The following DNAH11 variants were observed in gnomAD, a reference collection of about 807,000 sequenced individuals.
DNAH11 encodes dynein axonemal heavy chain 11.
In DNAH11, 442 loss-of-function variants were observed where a neutral mutation model predicts 526.0. That is an observed-to-expected ratio of 0.84 (90% CI 0.78 to 0.91). DNAH11 has a LOEUF of 0.91. DNAH11 is among the 40% of genes least tolerant of loss of function. The pLI, the probability that DNAH11 is intolerant of heterozygous loss-of-function variation, is 0.00. For missense variants in DNAH11, 6,989 were observed against 5,448.7 expected (o/e 1.28, Z -8.90); for synonymous variants, 2,461 against 1,935.9 (o/e 1.27, Z -7.12).
chr7:21,665,575 A>G (rs1236001212), intron 30 of DNAH11, among the ~76,000 whole-genome samples: 3 of 152,060 alleles, frequency 2.0e-5, no homozygotes, highest in Non-Finnish European at 2.9e-5. Context: ...AAAATTATTC[A>G]TATCCCAGTA....
In DNAH11 at chr7:21,615,160, A is replaced by C. The variant is rs1562702389; in HGVS notation, c.3899A>C (p.Gln1300Pro). The C allele has an allele frequency of 6.2e-7, 1 of 1,612,926 alleles. No homozygotes were observed. Among genetic ancestry groups the C allele is most frequent in the East Asian group, 2.2e-5 (1 of 44,794 alleles). Reference sequence around the variant, plus strand: ...TTAGAAGAAGAAATGTTGCAGATGCAAGAATCTACTCGTCTTTTTGAAGTG... The same window carrying C: ...TTAGAAGAAGAAATGTTGCAGATGCCAGAATCTACTCGTCTTTTTGAAGTG... ...EALEEEMLQM[Q>P]ESTRLFEVAL... The change falls in exon 21 of 82, where the codon CAA becomes CCA. Residue 1300 changes from glutamine (Q) to proline (P), a missense_variant. Coordinates refer to ENST00000409508, the MANE Select transcript of DNAH11 (RefSeq NM_001277115.2).
chr7:21,737,926 G>A (rs181761986), intron 46 of DNAH11, among the ~76,000 whole-genome samples: 1 of 152,234 alleles, frequency 6.6e-6, no homozygotes, highest in African/African-American at 2.4e-5. Flanking sequence ...CTTGGAAAAG[G>A]TGTTTATTTA....
chr7:21,821,939 A>C (rs1055048501), intron 65 of DNAH11, among the ~76,000 whole-genome samples: 6 of 152,036 alleles, frequency 3.9e-5, no homozygotes, highest in Non-Finnish European at 8.8e-5. Flanking sequence ...TAGCTCCTGC[A>C]TATGAGTAAG....
intron 75 of DNAH11, among the ~76,000 whole-genome samples, chr7:21,882,558 G>A (rs539962429): frequency 6.6e-6 from 1 of 152,212 alleles, no homozygotes; most frequent in Non-Finnish European, 1.5e-5. Context: ...CACTTTGGGA[G>A]GCCAAGTCGG....
chr7:21,549,901 G>T (rs372236249), intron 2 of DNAH11, among the ~76,000 whole-genome samples: 1 of 152,138 alleles, frequency 6.6e-6, no homozygotes, highest in Non-Finnish European at 1.5e-5. Flanking sequence ...AACCTGGCAG[G>T]CATTAAATCT....
chr7:21,581,820 C>A, intron 8 of DNAH11, 85 bp from the exon 9 acceptor site: 1 of 810,460 alleles, frequency 1.2e-6, no homozygotes, highest in Non-Finnish European at 2.1e-6. Flanking sequence ...CGAGAGAGAG[C>A]TAAAGTAAGG....
chr7:21,695,580 C>CA (rs1783815534), intron 35 of DNAH11, among the ~76,000 whole-genome samples: 1 of 152,176 alleles, frequency 6.6e-6, no homozygotes, highest in Admixed American at 6.5e-5. Context: ...ACACCTTACA[C>CA]AAAAATTAAC....
Position 21,873,053 on chromosome 7 carries a change from G to C in DNAH11, c.11968-221G>C, listed in dbSNP as rs547193824. ...TTACAAAGACAGTCTGTGTTGATTGGGAACATTTAATATGTTCAAGGTTCA... is the reference window on the plus strand; with the variant it reads ...TTACAAAGACAGTCTGTGTTGATTGCGAACATTTAATATGTTCAAGGTTCA... On this transcript the variant is annotated intron_variant, in intron 73 of 81. Transcript: ENST00000409508. 2.0e-5 allele frequency among the ~76,000 whole-genome samples: 3 copies of C among 151,104 alleles called. No homozygotes were observed. The South Asian group carries it at 6.3e-4, about 32-fold the overall frequency.
Position 21,662,012 on chromosome 7 carries a change from T to A in DNAH11, c.5328+2981T>A, listed in dbSNP as rs183617135. On this transcript the variant is annotated intron_variant, in intron 30 of 81. Transcript: ENST00000409508. Reference sequence around the variant, plus strand: ...TTTTGTGTTTTTAGTAGAGACAGGGTTTCACCATGTTGGCCAGGCTGGTCT... The same window carrying A: ...TTTTGTGTTTTTAGTAGAGACAGGGATTCACCATGTTGGCCAGGCTGGTCT... 3.9e-5 allele frequency among the ~76,000 whole-genome samples: 6 copies of A among 152,132 alleles called. No homozygotes were observed. In the East Asian group the frequency reaches 1.2e-3, roughly 29 times the overall value.
chr7:21,706,128 G>C (rs74932800), intron 39 of DNAH11, among the ~76,000 whole-genome samples: 1 of 152,098 alleles, frequency 6.6e-6, no homozygotes, highest in Non-Finnish European at 1.5e-5. Context: ...CCACATTTTT[G>C]ATGTACCTAT....
rs1306123403 is a variant in DNAH11, at chr7:21,559,633, T to C, written c.723T>C (p.His241=). The C allele has an allele frequency of 6.2e-7, 1 of 1,611,202 alleles. No homozygotes were observed. ...KPPSNERIIL[H]AIESVVIEWS... is the part of the protein sequence containing the mutation. ...CGTCAAACGAAAGGATAATACTTCA[T>C]GCAATTGAATCTGTGGTTATTGAAT... Residue 241 remains histidine (H), a synonymous_variant, in exon 4 of 82, where the codon CAT becomes CAC. Transcript: ENST00000409508.
chr7:21,550,154 A>C (rs534618252), intron 2 of DNAH11, among the ~76,000 whole-genome samples: 1 of 151,432 alleles, frequency 6.6e-6, no homozygotes, highest in Non-Finnish European at 1.5e-5. Context: ...ATTTTTTTTT[A>C]AACCACTCCC....
At position 21,610,030 on chromosome 7, in the gene DNAH11, A is replaced by G. The variant is rs145782846; in HGVS notation, c.3852+3297A>G. 5.0e-3 allele frequency among the ~76,000 whole-genome samples: 765 copies of G among 152,128 alleles called. 4 individuals carry two copies. The highest frequency in any genetic ancestry group is 0.018 in the African/African-American group (729 of 41,506). On this transcript the variant is annotated intron_variant, in intron 20 of 81. Transcript: ENST00000409508. ...AGCACTTTGGGAGGCTGAGGCAGGC[A>G]GATCACAAGGTCAGGAGATGGAGAC...
At chr7:21,833,295 TCAAA>T (rs1278137623) in intron 65 of DNAH11, among the ~76,000 whole-genome samples, 1 of 152,174 alleles carries the variant, frequency 6.6e-6, no homozygotes, top group Non-Finnish European at 1.5e-5. Flanking sequence ...GAGGAAATAT[TCAAA>T]CAACCTGAAA....
intron 54 of DNAH11, 56 bp from the exon 55 acceptor site, chr7:21,765,372 A>G (rs1787129078): frequency 2.5e-6 from 4 of 1,609,174 alleles, no homozygotes; most frequent in Non-Finnish European, 3.4e-6. Context: ...ATTGCAATGT[A>G]ATTCTCTGCT....
At chr7:21,858,898 G>T (rs1204885982) in intron 68 of DNAH11, among the ~76,000 whole-genome samples, 1 of 152,156 alleles carries the variant, frequency 6.6e-6, no homozygotes, top group African/African-American at 2.4e-5. Flanking sequence ...TTTTAAGAAA[G>T]TGTAAATATC....
At chr7:21,847,428 ACTT>A (rs769020758) in intron 66 of DNAH11, among the ~76,000 whole-genome samples, 2 of 151,980 alleles carry the variant, frequency 1.3e-5, no homozygotes, top group Non-Finnish European at 2.9e-5. Flanking sequence ...TTTTCTTGAG[ACTT>A]CTTCTTTGAC....
intron 65 of DNAH11, among the ~76,000 whole-genome samples, chr7:21,838,006 C>T (rs1296983866): frequency 6.6e-6 from 1 of 152,130 alleles, no homozygotes; most frequent in Non-Finnish European, 1.5e-5. Context: ...TCATACACAT[C>T]CTGAAGTTAG....
At chr7:21,631,191 C>T (rs2140583) in intron 25 of DNAH11, among the ~76,000 whole-genome samples, 87,662 of 151,996 alleles carry the variant, frequency 0.58, 25,871 homozygotes, top group Middle Eastern at 0.73. Flanking sequence ...TTCACAGTCA[C>T]GAGAACAGCA....
Sources: allele counts gnomAD v4.1 joint callset (sites outside exome capture counted in the v4.1 genomes callset), GRCh38; gene constraint gnomAD v4.1.1; transcripts MANE v1.5; gene names NCBI Gene and HGNC (gene_info 2026-07-23, HGNC 2026-07-21).